MEIS2: variants seen among roughly 807,000 people sequenced by gnomAD.
MEIS2 encodes the protein Meis homeobox 2.
In MEIS2, 9 loss-of-function variants were observed where a neutral mutation model predicts 58.6. The ratio of observed to expected loss-of-function variants is 0.15; its 90% CI spans 0.09 to 0.27. The LOEUF (loss-of-function observed/expected upper bound fraction) is 0.27, where lower values mean the gene tolerates loss of function less well. Ranked by LOEUF, MEIS2 falls within the 10% of genes least tolerant of loss-of-function variation. The pLI, the probability that MEIS2 is intolerant of heterozygous loss-of-function variation, is 1.00. For missense variants in MEIS2, 427 were observed against 635.0 expected, an observed-to-expected ratio of 0.67 and a Z score of 3.52; for synonymous variants, 221 against 228.4, an observed-to-expected ratio of 0.97 and a Z score of 0.29.
intron 7 of MEIS2, chr15:37,050,951 T>C (rs931965392): frequency 3.9e-5 from 6 of 152,228 alleles, no homozygotes; most frequent in African/African-American, 1.4e-4. Flanking sequence ...TCCTTATTGG[T>C]TGAGTATGAC....
intron 8 of MEIS2, among the ~76,000 whole-genome samples, chr15:36,967,096 C>T (rs116638900): frequency 2.5e-3 from 377 of 152,250 alleles, no homozygotes; most frequent in Admixed American, 6.9e-3. Flanking sequence ...TGGGTAAATA[C>T]AGTCATAAAT....
chr15:37,008,421 A>G (rs1445560146), intron 8 of MEIS2, among the ~76,000 whole-genome samples: 1 of 152,224 alleles, frequency 6.6e-6, no homozygotes, highest in Non-Finnish European at 1.5e-5. Context: ...AGTAAAAGCC[A>G]GCAAAGATAA....
chr15:37,098,379 GGA>G (rs534692479), intron 1 of MEIS2, 180 bp from the exon 2 acceptor site: 35,783 of 304,232 alleles, frequency 0.12, 477 homozygotes, highest in Middle Eastern at 0.13. Context: ...GAGGAGAGGG[GGA>G]GAGAGAGAGA....
intron 9 of MEIS2, among the ~76,000 whole-genome samples, chr15:36,911,879 G>T (rs1304992150): frequency 1.3e-5 from 2 of 152,164 alleles, no homozygotes; most frequent in Non-Finnish European, 2.9e-5. Flanking sequence ...TGAAGAATTG[G>T]CAAAGCAATT....
Position 36,905,227 on chromosome 15 carries a change from C to T in MEIS2, c.978-8541G>A, listed in dbSNP as rs2056672130. On this transcript the variant is annotated intron_variant, in intron 9 of 11. Coordinates refer to ENST00000561208, the MANE Select transcript of MEIS2 (RefSeq NM_170675.5). The stretch of plus-strand genomic sequence containing the variant: ...AGTTACCAATTCTAGGATATTTAGA[C>T]ATATTACTGCATAGATCAAAGACAG... Among the ~76,000 whole-genome samples the T allele has an allele frequency of 2.0e-5, 3 of 151,390 alleles. No individual in the cohort carries two copies. The South Asian group carries it at 6.3e-4, about 32-fold the overall frequency.
intron 8 of MEIS2, among the ~76,000 whole-genome samples, chr15:37,026,156 G>T (rs1430604835): frequency 2.0e-5 from 3 of 151,784 alleles, no homozygotes; most frequent in Non-Finnish European, 4.4e-5. Context: ...TCACCATGGG[G>T]AAAAAAAATA....
At chr15:36,908,783 A>C (rs979566460) in intron 9 of MEIS2, among the ~76,000 whole-genome samples, 9 of 152,030 alleles carry the variant, frequency 5.9e-5, no homozygotes, top group African/African-American at 2.2e-4. Context: ...AAAAATACAA[A>C]AAAGTATTAG....
chr15:36,983,580 G>A (rs993009235), intron 8 of MEIS2, among the ~76,000 whole-genome samples: 1 of 151,880 alleles, frequency 6.6e-6, no homozygotes, highest in Non-Finnish European at 1.5e-5. Context: ...AGTCAATATG[G>A]TGGCTCCAGC....
intron 9 of MEIS2, among the ~76,000 whole-genome samples, chr15:36,899,619 C>G (rs1001089699): frequency 3.9e-5 from 6 of 151,976 alleles, no homozygotes; most frequent in Non-Finnish European, 7.4e-5. Flanking sequence ...GAATATCAAG[C>G]TTTGATTTTA....
At chr15:36,897,838 A>C (rs1272333550) in intron 9 of MEIS2, 1 of 152,184 alleles carries the variant, frequency 6.6e-6, no homozygotes, top group East Asian at 1.9e-4. Flanking sequence ...TAATGAGTCC[A>C]CCTGGGGCCA....
chr15:36,919,953 C>T (rs3099885), intron 9 of MEIS2, among the ~76,000 whole-genome samples: 133,468 of 152,124 alleles, frequency 0.88, 58,654 homozygotes, highest in East Asian at 0.99. Flanking sequence ...TATTTAGGCA[C>T]GTAAGAACAA....
chr15:36,974,259 A>G (rs1480274702), intron 8 of MEIS2, among the ~76,000 whole-genome samples: 1 of 152,184 alleles, frequency 6.6e-6, no homozygotes, highest in Admixed American at 6.5e-5. Flanking sequence ...TGAATTTCAG[A>G]ATTCTGAGTG....
At position 37,031,486 on chromosome 15, in the gene MEIS2, G is replaced by A. The variant is rs79455463; in HGVS notation, c.900+5328C>T. Among the ~76,000 whole-genome samples the A allele has an allele frequency of 5.3e-4, 78 of 146,484 alleles. No homozygotes were observed. In the East Asian group the frequency reaches 0.015, roughly 29 times the overall value. Reference sequence around the variant, plus strand: ...CAAATTTAAGATGACTAAGTTTACGGTCATATGGTCTTGATGAACTCGGTG... The same window carrying A: ...CAAATTTAAGATGACTAAGTTTACGATCATATGGTCTTGATGAACTCGGTG... On this transcript the variant is annotated intron_variant, in intron 8 of 11. Coordinates refer to ENST00000561208, the MANE Select transcript of MEIS2 (RefSeq NM_170675.5).
intron 8 of MEIS2, among the ~76,000 whole-genome samples, chr15:36,982,066 A>T (rs558636473): frequency 1.3e-5 from 2 of 152,018 alleles, no homozygotes; most frequent in African/African-American, 4.8e-5. Context: ...TGTTTCTCCA[A>T]CTTGCAGATG....
At chr15:36,925,187 A>C (rs533268844) in intron 9 of MEIS2, among the ~76,000 whole-genome samples, 1 of 152,312 alleles carries the variant, frequency 6.6e-6, no homozygotes, top group Admixed American at 6.5e-5. Context: ...AAAAGTAAAA[A>C]AGGAGAAAAA....
At chr15:37,047,366 A>G (rs1441602327) in intron 7 of MEIS2, among the ~76,000 whole-genome samples, 1 of 152,142 alleles carries the variant, frequency 6.6e-6, no homozygotes, top group East Asian at 1.9e-4. Context: ...CTTCAGCCCT[A>G]AACACAGAAG....
At chr15:36,967,255 T>C (rs2059386211) in intron 8 of MEIS2, among the ~76,000 whole-genome samples, 1 of 152,168 alleles carries the variant, frequency 6.6e-6, no homozygotes, top group African/African-American at 2.4e-5. Flanking sequence ...TGATGTGTGG[T>C]TATTCAGCAT....
intron 6 of MEIS2, among the ~76,000 whole-genome samples, chr15:37,087,751 C>A (rs1893060301): frequency 6.6e-6 from 1 of 151,958 alleles, no homozygotes; most frequent in Non-Finnish European, 1.5e-5. Flanking sequence ...ACATTTTAAA[C>A]CATTATGGCA....
At chr15:37,034,455 A>G (rs2062062551) in intron 8 of MEIS2, among the ~76,000 whole-genome samples, 1 of 152,202 alleles carries the variant, frequency 6.6e-6, no homozygotes, top group Non-Finnish European at 1.5e-5. Context: ...AGCCTTGCAT[A>G]CATTCAACTA....
Sources: allele counts gnomAD v4.1 joint callset (sites outside exome capture counted in the v4.1 genomes callset), GRCh38; gene constraint gnomAD v4.1.1; transcripts MANE v1.5; gene names NCBI Gene and HGNC (gene_info 2026-07-23, HGNC 2026-07-21).